Variants in COG5 observed in about 807,000 individuals in gnomAD.
COG5 encodes component of oligomeric golgi complex 5.
A neutral mutation model predicts 110.4 loss-of-function variants in COG5; 86 were observed. The ratio of observed to expected loss-of-function variants is 0.78; its 90% CI spans 0.65 to 0.93. COG5 has a LOEUF of 0.93. Among genes scored for constraint, COG5 ranks in the 40% least tolerant of loss-of-function variants. The pLI, the probability that COG5 is intolerant of heterozygous loss-of-function variation, is 0.00. For missense variants in COG5, 1,077 were observed against 987.0 expected, an observed-to-expected ratio of 1.09 and a Z score of -1.22; for synonymous variants, 360 against 334.6, an observed-to-expected ratio of 1.08 and a Z score of -0.83.
chr7:107,291,816 T>C (rs1806200930), intron 12 of COG5, among the ~76,000 whole-genome samples: 1 of 152,158 alleles, frequency 6.6e-6, no homozygotes, highest in Non-Finnish European at 1.5e-5. Context: ...TCCGGATCTC[T>C]CCTTGGAGCT....
At chr7:107,302,955 T>C (rs1478389486) in intron 11 of COG5, among the ~76,000 whole-genome samples, 3 of 152,196 alleles carry the variant, frequency 2.0e-5, no homozygotes, top group Admixed American at 6.5e-5. Flanking sequence ...TTGTTTGAAG[T>C]ATGTTTCTCC....
At chr7:107,510,977 T>G (rs1197852775) in intron 6 of COG5, among the ~76,000 whole-genome samples, 1 of 151,706 alleles carries the variant, frequency 6.6e-6, no homozygotes, top group East Asian at 1.9e-4. Flanking sequence ...ACGTCACAAT[T>G]AAAAGAACTA....
At chr7:107,209,392 T>C (rs1041850334) in intron 21 of COG5, 3 of 252,442 alleles carry the variant, frequency 1.2e-5, no homozygotes, top group Non-Finnish European at 1.9e-5. Flanking sequence ...TTAGAATTAT[T>C]TTGACCATTC....
At chr7:107,417,726 T>C (rs937235693) in intron 6 of COG5, among the ~76,000 whole-genome samples, 1 of 152,180 alleles carries the variant, frequency 6.6e-6, no homozygotes, top group Non-Finnish European at 1.5e-5. Context: ...TTTTTGAATA[T>C]TATATATGCT....
chr7:107,432,108 T>A (rs1426249915), intron 6 of COG5, among the ~76,000 whole-genome samples: 1 of 152,168 alleles, frequency 6.6e-6, no homozygotes, highest in Non-Finnish European at 1.5e-5. Context: ...TTGTACCCAT[T>A]ACTGAGTTTC....
At chr7:107,471,604 C>T (rs949869167) in intron 6 of COG5, 1 of 151,916 alleles carries the variant, frequency 6.6e-6, no homozygotes, top group Non-Finnish European at 1.5e-5. Context: ...AACAATATAA[C>T]TGTAAAAGCC....
At chr7:107,330,091 G>A (rs1329912554) in intron 10 of COG5, among the ~76,000 whole-genome samples, 1 of 152,140 alleles carries the variant, frequency 6.6e-6, no homozygotes, top group Non-Finnish European at 1.5e-5. Context: ...GATTTGAACT[G>A]GAAGGATATT....
Position 107,211,079 on chromosome 7 carries a change from G to T in COG5, c.2295+20C>A, listed in dbSNP as rs781741325. On this transcript the variant is annotated intron_variant, in intron 20 of 21. Transcript: ENST00000297135. The stretch of plus-strand genomic sequence containing the variant: ...ATGGGAAGAGTCACAAAAGGGTTCT[G>T]GCTTGACTTTATTTATTACCTGGAA... The T allele has an allele frequency of 2.7e-5, 43 of 1,613,414 alleles. No individual in the cohort carries two copies. In the South Asian group the frequency reaches 4.3e-4, roughly 16 times the overall value.
intron 8 of COG5, among the ~76,000 whole-genome samples, chr7:107,364,352 T>A (rs1162229694): frequency 6.6e-6 from 1 of 152,192 alleles, no homozygotes; most frequent in Admixed American, 6.5e-5. Flanking sequence ...AAAAGCATGA[T>A]CCCTGATTGG....
chr7:107,473,697 T>C (rs1378328132), intron 6 of COG5, among the ~76,000 whole-genome samples: 1 of 151,988 alleles, frequency 6.6e-6, no homozygotes, highest in Non-Finnish European at 1.5e-5. Context: ...TGGGCTGAAA[T>C]TAATTTTGTA....
chr7:107,379,120 C>T (rs1299511510), intron 7 of COG5, among the ~76,000 whole-genome samples: 1 of 152,208 alleles, frequency 6.6e-6, no homozygotes, highest in Admixed American at 6.5e-5. Flanking sequence ...CAACAATAAA[C>T]ATTCTTAAAG....
chr7:107,291,701 G>C (rs1562953762), intron 12 of COG5, among the ~76,000 whole-genome samples: 1 of 152,152 alleles, frequency 6.6e-6, no homozygotes, highest in Non-Finnish European at 1.5e-5. Context: ...CTCTACAAAG[G>C]AATCTACAAA....
chr7:107,413,989 T>G (rs931442428), intron 6 of COG5, among the ~76,000 whole-genome samples: 1 of 152,164 alleles, frequency 6.6e-6, no homozygotes, highest in African/African-American at 2.4e-5. Flanking sequence ...ACCACAGTCT[T>G]TTCAGTAGAT....
intron 18 of COG5, among the ~76,000 whole-genome samples, chr7:107,233,280 T>A (rs1397106287): frequency 6.6e-6 from 1 of 152,204 alleles, no homozygotes; most frequent in African/African-American, 2.4e-5. Flanking sequence ...AGAACCCCAG[T>A]GTCGTGGACA....
At chr7:107,555,506 T>C (rs1345419847) in intron 2 of COG5, among the ~76,000 whole-genome samples, 2 of 152,208 alleles carry the variant, frequency 1.3e-5, no homozygotes, top group Non-Finnish European at 2.9e-5. Flanking sequence ...GGTCTTTTAT[T>C]CGTAAGGTTG....
intron 11 of COG5, among the ~76,000 whole-genome samples, chr7:107,300,179 C>T (rs2116928491): frequency 6.6e-6 from 1 of 152,128 alleles, no homozygotes; most frequent in South Asian, 2.1e-4. Context: ...GAAAGGAACA[C>T]ACCCTTAACC....
chr7:107,504,361 T>A (rs1283152603), intron 6 of COG5, among the ~76,000 whole-genome samples: 1 of 152,232 alleles, frequency 6.6e-6, no homozygotes, highest in African/African-American at 2.4e-5. Flanking sequence ...TCGATCACCA[T>A]GCATTATCTT....
chr7:107,272,981 T>A (rs1476652303), intron 14 of COG5, among the ~76,000 whole-genome samples: 1 of 151,970 alleles, frequency 6.6e-6, no homozygotes, highest in African/African-American at 2.4e-5. Context: ...TTAGTTTGCA[T>A]CCTAATTTTT....
chr7:107,443,354 A>T (rs1178677602), intron 6 of COG5, among the ~76,000 whole-genome samples: 1 of 152,158 alleles, frequency 6.6e-6, no homozygotes, highest in Non-Finnish European at 1.5e-5. Context: ...CTAGGACTGC[A>T]TGGTTTGGGG....
Sources: gnomAD v4.1 joint callset for allele counts (sites outside exome capture counted in the v4.1 genomes callset) on GRCh38, gnomAD v4.1.1 for gene constraint, MANE v1.5 for transcripts, NCBI Gene and HGNC (gene_info 2026-07-23, HGNC 2026-07-21) for gene names.